The following MYO1E variants were observed in gnomAD, a reference collection of about 807,000 sequenced individuals.
The protein encoded by MYO1E is unconventional myosin-Ie.
A neutral mutation model predicts 151.1 loss-of-function variants in MYO1E; 68 were observed. That is an observed-to-expected ratio of 0.45 (90% CI 0.37 to 0.55). The LOEUF (loss-of-function observed/expected upper bound fraction) is 0.55. Ranked by LOEUF, MYO1E falls within the 20% of genes least tolerant of loss-of-function variation. The pLI, the probability that MYO1E is intolerant of heterozygous loss-of-function variation, is 0.00. For missense variants in MYO1E, 1,363 were observed against 1,389.3 expected (o/e 0.98, Z 0.30); for synonymous variants, 601 against 501.7 (o/e 1.20, Z -2.64).
chr15:59,285,827 G>A (rs1226381645), intron 1 of MYO1E, among the ~76,000 whole-genome samples: 2 of 152,078 alleles, frequency 1.3e-5, no homozygotes, highest in Non-Finnish European at 2.9e-5. Context: ...CATACAGGTC[G>A]GCACAAAAGT....
intron 14 of MYO1E, chr15:59,207,819 GA>G: frequency 6.2e-7 from 1 of 1,614,186 alleles, no homozygotes; most frequent in Non-Finnish European, 8.5e-7. Flanking sequence ...TTATTAAAAT[GA>G]AAGGTTATAC....
rs544910505 is a variant in MYO1E at position 59,270,117 on chromosome 15, T to C, written c.147+2189A>G. Among the ~76,000 whole-genome samples the C allele has an allele frequency of 1.7e-4, 26 of 152,342 alleles. No homozygotes were observed. In the East Asian group the frequency reaches 4.8e-3, roughly 28 times the overall value. ...GGTCACCACCCTGATCCAGAAGTTA[T>C]ATAAGTAAATAATAACGTAATGTAT... is the stretch of plus-strand genomic sequence containing the variant. On this transcript the variant is annotated intron_variant, in intron 2 of 27. Coordinates refer to ENST00000288235, the MANE Select transcript of MYO1E (RefSeq NM_004998.4).
At chr15:59,206,524 C>G (rs1000166152) in intron 14 of MYO1E, among the ~76,000 whole-genome samples, 2 of 152,356 alleles carry the variant, frequency 1.3e-5, no homozygotes, top group South Asian at 2.1e-4. Flanking sequence ...GTACGCAAAG[C>G]ATAGAGCCCT....
chr15:59,234,292 G>A (rs185925281), intron 5 of MYO1E, among the ~76,000 whole-genome samples: 3 of 152,200 alleles, frequency 2.0e-5, no homozygotes, highest in East Asian at 3.9e-4. Context: ...ACGGATGGAT[G>A]GATGGATGGA....
chr15:59,261,195 AT>A (rs1342280107), intron 3 of MYO1E, among the ~76,000 whole-genome samples: 1 of 151,876 alleles, frequency 6.6e-6, no homozygotes, highest in Non-Finnish European at 1.5e-5. Context: ...CAAGAGCAAA[AT>A]TCTGTCTCAA....
At chr15:59,304,013 G>A (rs1269416477) in intron 1 of MYO1E, among the ~76,000 whole-genome samples, 18 of 131,626 alleles carry the variant, frequency 1.4e-4, no homozygotes, top group African/African-American at 4.0e-4. Flanking sequence ...AGGGAGTTTC[G>A]CTCTTGTCAC....
At position 59,138,938 on chromosome 15, in the gene MYO1E, G is replaced by A. The variant is rs1462115736; in HGVS notation, c.3081-571C>T. 1.1e-4 allele frequency among the ~76,000 whole-genome samples: 17 copies of A among 152,066 alleles called. 1 individual carries two copies. The highest frequency in any genetic ancestry group is 7.9e-4 in the Admixed American group (12 of 15,278). On this transcript the variant is annotated intron_variant, in intron 26 of 27. Transcript: ENST00000288235. ...GTCACATGCTCAACAACTGGATGAC[G>A]TGCCCTGCTGATGCCTGCAGCTATC...
At chr15:59,189,643 C>T (rs1280462261) in intron 17 of MYO1E, among the ~76,000 whole-genome samples, 2 of 152,112 alleles carry the variant, frequency 1.3e-5, no homozygotes, top group Non-Finnish European at 2.9e-5. Context: ...GGCAAAATCT[C>T]GGCTCTCTGC....
intron 26 of MYO1E, among the ~76,000 whole-genome samples, chr15:59,141,203 C>A (rs2079406965): frequency 6.6e-6 from 1 of 151,944 alleles, no homozygotes; most frequent in Non-Finnish European, 1.5e-5. Context: ...CCTGGCAGTC[C>A]ACAGAACTGG....
At chr15:59,332,645 C>T (rs2080704712) in intron 1 of MYO1E, among the ~76,000 whole-genome samples, 1 of 152,146 alleles carries the variant, frequency 6.6e-6, no homozygotes. Flanking sequence ...CTTTCCCCAT[C>T]ACTTAGATCA....
chr15:59,338,735 G>T (rs984470994), intron 1 of MYO1E, among the ~76,000 whole-genome samples: 1 of 152,230 alleles, frequency 6.6e-6, no homozygotes, highest in South Asian at 2.1e-4. Context: ...AGAATGATAT[G>T]GGGCAAACAG....
intron 9 of MYO1E, among the ~76,000 whole-genome samples, chr15:59,220,527 G>C (rs1054509781): frequency 6.6e-6 from 1 of 152,264 alleles, no homozygotes; most frequent in Middle Eastern, 3.4e-3. Context: ...GGCCAGTTCT[G>C]ATGAAAATCT....
chr15:59,241,872 T>C (rs2080101808), intron 4 of MYO1E, among the ~76,000 whole-genome samples: 1 of 151,932 alleles, frequency 6.6e-6, no homozygotes, highest in African/African-American at 2.4e-5. Context: ...TGAGCTATTG[T>C]TGAGCTACTG....
At chr15:59,292,243 T>G (rs1205365925) in intron 1 of MYO1E, among the ~76,000 whole-genome samples, 1 of 152,194 alleles carries the variant, frequency 6.6e-6, no homozygotes, top group East Asian at 1.9e-4. Context: ...TCAAGGCAAA[T>G]TCATCAGTTT....
At chr15:59,351,588 C>A (rs980844288) in intron 1 of MYO1E, among the ~76,000 whole-genome samples, 1 of 152,250 alleles carries the variant, frequency 6.6e-6, no homozygotes, top group African/African-American at 2.4e-5. Context: ...AAGATGATTG[C>A]GCTGATGCTA....
chr15:59,302,747 G>A (rs1449105652), intron 1 of MYO1E, among the ~76,000 whole-genome samples: 1 of 148,790 alleles, frequency 6.7e-6, no homozygotes, highest in East Asian at 2.0e-4. Context: ...GAAAAATGAG[G>A]TGTAAAGTAA....
intron 7 of MYO1E, 26 bp from the exon 8 acceptor site, chr15:59,224,849 C>T: frequency 6.2e-7 from 1 of 1,614,046 alleles, no homozygotes; most frequent in Non-Finnish European, 8.5e-7. Context: ...ACAGGTTGAG[C>T]CATGATGTGG....
At chr15:59,210,671 T>C (rs1466740684) in intron 12 of MYO1E, 71 bp from the exon 13 acceptor site, 1 of 1,052,810 alleles carries the variant, frequency 9.5e-7, no homozygotes, top group South Asian at 1.3e-5. Context: ...AGACCCTGAA[T>C]GGACAAAAAT....
chr15:59,211,660 A>G (rs2079880098), intron 12 of MYO1E, among the ~76,000 whole-genome samples: 1 of 152,062 alleles, frequency 6.6e-6, no homozygotes, highest in Non-Finnish European at 1.5e-5. Context: ...TGACCTCCAA[A>G]CAACCCCTCT....
Sources: allele counts gnomAD v4.1 joint callset (sites outside exome capture counted in the v4.1 genomes callset), GRCh38; gene constraint gnomAD v4.1.1; transcripts MANE v1.5; gene names NCBI Gene and HGNC (gene_info 2026-07-23, HGNC 2026-07-21).